EPC2: variants seen among roughly 807,000 people sequenced by gnomAD.
EPC2 encodes enhancer of polycomb 2.
A neutral mutation model predicts 92.1 loss-of-function variants in EPC2; 14 were observed. The observed-to-expected ratio is 0.15, with a 90% CI of 0.10 to 0.24. The LOEUF (loss-of-function observed/expected upper bound fraction) is 0.24, where lower values mean the gene tolerates loss of function less well. Ranked by LOEUF, EPC2 falls within the 10% of genes least tolerant of loss-of-function variation. The pLI is 1.00. For missense variants in EPC2, 755 were observed against 971.5 expected (o/e 0.78, Z 2.96); for synonymous variants, 340 against 334.7 (o/e 1.02, Z -0.17).
intron 1 of EPC2, among the ~76,000 whole-genome samples, chr2:148,670,339 CTTT>C (rs368462404): frequency 2.1e-5 from 3 of 142,966 alleles, no homozygotes; most frequent in African/African-American, 7.7e-5. Context: ...CATGTTAACT[CTTT>C]TTTTTTTTTA....
intron 1 of EPC2, among the ~76,000 whole-genome samples, chr2:148,681,392 A>G (rs540788530): frequency 6.6e-6 from 1 of 152,294 alleles, no homozygotes; most frequent in East Asian, 1.9e-4. Flanking sequence ...GGCAGGTAGG[A>G]GAAATAGTAA....
At chr2:148,717,768 T>C (rs1682288043) in intron 2 of EPC2, among the ~76,000 whole-genome samples, 3 of 152,192 alleles carry the variant, frequency 2.0e-5, no homozygotes, top group Admixed American at 2.0e-4. Context: ...AGGTCTACTC[T>C]ATCCAGAGCT....
At chr2:148,741,011 G>A (rs771883782) in intron 2 of EPC2, among the ~76,000 whole-genome samples, 1 of 152,028 alleles carries the variant, frequency 6.6e-6, no homozygotes, top group Non-Finnish European at 1.5e-5. Flanking sequence ...CTTTTTAAAA[G>A]CATGCTTTTG....
At chr2:148,776,604 C>T (rs1169446540) in intron 10 of EPC2, among the ~76,000 whole-genome samples, 1 of 152,224 alleles carries the variant, frequency 6.6e-6, no homozygotes, top group Non-Finnish European at 1.5e-5. Flanking sequence ...ACTTCCTATT[C>T]TAACCCAGAG....
intron 2 of EPC2, among the ~76,000 whole-genome samples, chr2:148,739,833 C>CTTTTTTTTTTTT (rs144868417): frequency 2.0e-3 from 162 of 81,292 alleles, no homozygotes; most frequent in African/African-American, 2.2e-3. Context: ...TCTTCTTCTT[C>CTTTTTTTTTTTT]TTTTTTTTTT....
chr2:148,775,955 A>G (rs1366446974), intron 10 of EPC2, among the ~76,000 whole-genome samples: 2 of 150,876 alleles, frequency 1.3e-5, no homozygotes, highest in African/African-American at 2.4e-5. Flanking sequence ...TTGTTTTTGT[A>G]TTTTTTTAGT....
In EPC2 at chr2:148,645,000, C is replaced by T. The variant is rs559039526; in HGVS notation, c.-18C>T. 2.6e-6 allele frequency: 4 copies of T among 1,547,052 alleles called. No individual in the cohort carries two copies. The highest frequency in any genetic ancestry group is 2.5e-5 in the East Asian group (1 of 40,550). On this transcript the variant is annotated 5_prime_UTR_variant, in exon 1 of 14. Coordinates refer to ENST00000258484, the MANE Select transcript of EPC2 (RefSeq NM_015630.4). ...CCCGCCGCCGCCGCCCGGGCTGTTCCTGTAAGGCGGGGAGACAATGAGTAA... is the reference window on the plus strand; with the variant it reads ...CCCGCCGCCGCCGCCCGGGCTGTTCTTGTAAGGCGGGGAGACAATGAGTAA...
chr2:148,663,193 T>TGTA (rs1491205921), intron 1 of EPC2, among the ~76,000 whole-genome samples: 1 of 98,634 alleles, frequency 1.0e-5, no homozygotes, highest in African/African-American at 3.5e-5. Flanking sequence ...ACTGTGTTTT[T>TGTA]GTATTATTAT....
intron 2 of EPC2, among the ~76,000 whole-genome samples, chr2:148,716,702 CTTTTT>C (rs1256054070): frequency 6.6e-6 from 1 of 152,016 alleles, no homozygotes; most frequent in Non-Finnish European, 1.5e-5. Context: ...CTGAAGTTTT[CTTTTT>C]TGTTTTATCT....
chr2:148,658,386 A>G (rs1416993532), intron 1 of EPC2, among the ~76,000 whole-genome samples: 2 of 152,092 alleles, frequency 1.3e-5, no homozygotes, highest in Non-Finnish European at 2.9e-5. Context: ...GTAGAACATG[A>G]AAAGGATGCT....
At chr2:148,742,736 G>A (rs77193887) in intron 2 of EPC2, among the ~76,000 whole-genome samples, 2,953 of 149,468 alleles carry the variant, frequency 0.02, 111 homozygotes, top group African/African-American at 0.068. Flanking sequence ...GAGCAAGATC[G>A]TGCCATTGCA....
At chr2:148,653,503 C>T (rs565982122) in intron 1 of EPC2, among the ~76,000 whole-genome samples, 2 of 152,128 alleles carry the variant, frequency 1.3e-5, no homozygotes, top group Admixed American at 6.5e-5. Context: ...CATGCAGAAC[C>T]GCTTCTTACA....
chr2:148,722,011 A>G (rs559137878), intron 2 of EPC2, among the ~76,000 whole-genome samples: 1 of 150,640 alleles, frequency 6.6e-6, no homozygotes, highest in East Asian at 2.0e-4. Flanking sequence ...TTGGAAAAGT[A>G]CAGCATTCTT....
rs545867847 is a variant in EPC2, at chr2:148,667,240, C to T, written c.153+22070C>T. ...GACTTTGCCAATCAAAACTCTTCAT[C>T]GTTGTAAGACCTCAGGGTCACATAG... On this transcript the variant is annotated intron_variant, in intron 1 of 13. Coordinates refer to ENST00000258484, the MANE Select transcript of EPC2 (RefSeq NM_015630.4). Among the ~76,000 whole-genome samples the T allele has an allele frequency of 5.9e-5, 9 of 152,302 alleles. No homozygotes were observed. In the South Asian group the frequency reaches 8.3e-4, roughly 14 times the overall value.
chr2:148,670,791 C>G (rs150341033), intron 1 of EPC2, among the ~76,000 whole-genome samples: 1 of 152,124 alleles, frequency 6.6e-6, no homozygotes, highest in Admixed American at 6.5e-5. Flanking sequence ...GCAGCCTCAA[C>G]TTCCAGGCTC....
At chr2:148,668,990 T>A (rs966023238) in intron 1 of EPC2, among the ~76,000 whole-genome samples, 3 of 152,272 alleles carry the variant, frequency 2.0e-5, no homozygotes, top group South Asian at 4.1e-4. Context: ...AATACAGGTG[T>A]TTAGTGCTGC....
rs1277440957 is a variant in EPC2 at position 148,743,628 on chromosome 2, A to G, written c.320A>G (p.Asn107Ser). 1.9e-6 allele frequency: 3 copies of G among 1,566,100 alleles called. No individual in the cohort carries two copies. Among genetic ancestry groups the G allele is most frequent in the Non-Finnish European group, 2.6e-6 (3 of 1,162,472 alleles). ...ATTTTTCTTTCTTTTCTAGCTTTTA[A>G]TCTAGACAACGAGCAACCAGATTAT... is the stretch of plus-strand genomic sequence containing the variant. ...PKQFIHIQPF[N>S]LDNEQPDYDM... is the part of the protein sequence containing the mutation. The change falls in exon 3 of 14, where the codon AAT becomes AGT. Residue 107 changes from asparagine to serine, a missense_variant. Coordinates refer to ENST00000258484, the MANE Select transcript of EPC2 (RefSeq NM_015630.4).
At chr2:148,676,397 G>A (rs1047684200) in intron 1 of EPC2, among the ~76,000 whole-genome samples, 3 of 151,766 alleles carry the variant, frequency 2.0e-5, no homozygotes, top group Non-Finnish European at 4.4e-5. Context: ...TCTTGGTGAA[G>A]AGATGTTTCA....
At chr2:148,698,591 G>A (rs1383433516) in intron 2 of EPC2, among the ~76,000 whole-genome samples, 4 of 137,320 alleles carry the variant, frequency 2.9e-5, no homozygotes, top group East Asian at 2.2e-4. Context: ...AGCCGAGATC[G>A]TGCCATTGCA....
Sources: gnomAD v4.1 joint callset for allele counts (sites outside exome capture counted in the v4.1 genomes callset) on GRCh38, gnomAD v4.1.1 for gene constraint, MANE v1.5 for transcripts, NCBI Gene and HGNC (gene_info 2026-07-23, HGNC 2026-07-21) for gene names.